Variants in CSMD3 observed in about 807,000 individuals in gnomAD.
CSMD3 encodes CUB and sushi domain-containing protein 3.
In CSMD3, 177 loss-of-function variants were observed where a neutral mutation model predicts 435.2. The observed-to-expected ratio is 0.41, with a 90% CI of 0.36 to 0.46. The LOEUF is 0.46. CSMD3 is among the 20% of genes least tolerant of loss of function. The pLI, the probability that CSMD3 is intolerant of heterozygous loss-of-function variation, is 0.34. For missense variants in CSMD3, 4,265 were observed against 4,504.6 expected (o/e 0.95, Z 1.52); for synonymous variants, 1,656 against 1,520.5 (o/e 1.09, Z -2.07).
At chr8:112,746,032 C>G (rs751155539) in intron 13 of CSMD3, among the ~76,000 whole-genome samples, 4 of 152,120 alleles carry the variant, frequency 2.6e-5, no homozygotes, top group Non-Finnish European at 5.9e-5. Context: ...ACTTTGAACT[C>G]ACCTTTTCAG....
chr8:112,663,136 G>T (rs1023164888), intron 17 of CSMD3, among the ~76,000 whole-genome samples: 27 of 152,156 alleles, frequency 1.8e-4, no homozygotes, highest in Admixed American at 1.4e-3. Flanking sequence ...CCATTACTGG[G>T]TATATACCCA....
At chr8:112,955,836 A>T (rs866882241) in intron 7 of CSMD3, among the ~76,000 whole-genome samples, 29 of 151,852 alleles carry the variant, frequency 1.9e-4, no homozygotes, top group East Asian at 3.9e-4. Flanking sequence ...CTATAAATTT[A>T]AAAAAAAGCA....
chr8:112,462,220 C>T (rs1477713157), intron 32 of CSMD3, among the ~76,000 whole-genome samples: 4 of 152,166 alleles, frequency 2.6e-5, no homozygotes, highest in Non-Finnish European at 4.4e-5. Flanking sequence ...AAATAATCTT[C>T]GGCAGCTTTA....
In CSMD3 at chr8:113,319,606, T is replaced by A. The variant is rs199843518; in HGVS notation, c.179-4813A>T. On this transcript the variant is annotated intron_variant, in intron 1 of 70. Coordinates refer to ENST00000297405, the MANE Select transcript of CSMD3 (RefSeq NM_198123.2). Reference sequence around the variant, plus strand: ...CTTTTGTTTTTGTAGTTTGAGCTTTTTGGAGTGGTATCAAAATTAATTGCC... The same window carrying A: ...CTTTTGTTTTTGTAGTTTGAGCTTTATGGAGTGGTATCAAAATTAATTGCC... 3.9e-5 allele frequency among the ~76,000 whole-genome samples: 6 copies of A among 152,120 alleles called. No homozygotes were observed. In the East Asian group the frequency reaches 1.2e-3, roughly 29 times the overall value.
intron 1 of CSMD3, among the ~76,000 whole-genome samples, chr8:113,361,660 A>G (rs573069963): frequency 6.6e-6 from 1 of 152,224 alleles, no homozygotes; most frequent in African/African-American, 2.4e-5. Context: ...AAAAATAATT[A>G]AAAACAAATA....
At chr8:112,892,537 T>C (rs894903079) in intron 10 of CSMD3, among the ~76,000 whole-genome samples, 3 of 151,592 alleles carry the variant, frequency 2.0e-5, no homozygotes, top group East Asian at 2.0e-4. Flanking sequence ...CAGGTAGTTT[T>C]TTAAAAGAAG....
intron 3 of CSMD3, among the ~76,000 whole-genome samples, chr8:113,269,697 A>C (rs923287194): frequency 6.9e-6 from 1 of 145,256 alleles, no homozygotes; most frequent in South Asian, 2.1e-4. Flanking sequence ...CTGACAAAAA[A>C]AAGAAGAAAT....
intron 5 of CSMD3, among the ~76,000 whole-genome samples, chr8:113,089,861 A>G (rs1459914837): frequency 1.3e-5 from 2 of 152,122 alleles, no homozygotes; most frequent in African/African-American, 2.4e-5. Flanking sequence ...TCTGGAAAAC[A>G]AACAAAGCGA....
At chr8:112,466,328 A>C (rs1034016563) in intron 32 of CSMD3, among the ~76,000 whole-genome samples, 1 of 152,186 alleles carries the variant, frequency 6.6e-6, no homozygotes, top group Non-Finnish European at 1.5e-5. Flanking sequence ...TAAAATATGG[A>C]GAAAATTGGT....
At chr8:112,377,328 A>G (rs1194517559) in intron 38 of CSMD3, among the ~76,000 whole-genome samples, 2 of 152,118 alleles carry the variant, frequency 1.3e-5, no homozygotes, top group African/African-American at 4.8e-5. Context: ...ACATGGACCC[A>G]TAACTAGTGA....
At chr8:112,417,618 T>C (rs1161492374) in intron 32 of CSMD3, among the ~76,000 whole-genome samples, 2 of 152,202 alleles carry the variant, frequency 1.3e-5, no homozygotes, top group African/African-American at 4.8e-5. Context: ...ACTCCAGCTA[T>C]TTTAATCAAG....
At chr8:113,393,693 C>T (rs747327192) in intron 1 of CSMD3, among the ~76,000 whole-genome samples, 2 of 152,052 alleles carry the variant, frequency 1.3e-5, no homozygotes, top group African/African-American at 2.4e-5. Context: ...AACTTGGAAG[C>T]ATGCATACAT....
chr8:113,102,450 A>G (rs2090357443), intron 4 of CSMD3, among the ~76,000 whole-genome samples: 1 of 152,138 alleles, frequency 6.6e-6, no homozygotes, highest in African/African-American at 2.4e-5. Context: ...CGTTTTCATG[A>G]TCCCTGTTCT....
At chr8:112,757,827 G>A (rs898885184) in intron 13 of CSMD3, among the ~76,000 whole-genome samples, 1 of 151,214 alleles carries the variant, frequency 6.6e-6, no homozygotes, top group Non-Finnish European at 1.5e-5. Flanking sequence ...GCTGAGGCAG[G>A]AGGATTGCTT....
chr8:113,211,660 G>GCCT lies in CSMD3; in HGVS notation c.515-37747_515-37745dup, dbSNP rs572181665. Among the ~76,000 whole-genome samples, 216 of 152,256 alleles carry GCCT rather than the reference G, an allele frequency of 1.4e-3. 1 individual carries two copies. The highest frequency in any genetic ancestry group is 2.2e-3 in the Admixed American group (33 of 15,284). ...GCCGAGATCGCACCACTGCACTCCA[G>GCCT]CCTGGATGACAGAGGAAGACTCCGT... is the stretch of plus-strand genomic sequence containing the variant. On this transcript the variant is annotated intron_variant, in intron 3 of 70. Coordinates refer to ENST00000297405, the MANE Select transcript of CSMD3 (RefSeq NM_198123.2).
At chr8:113,324,864 C>T (rs1330106904) in intron 1 of CSMD3, among the ~76,000 whole-genome samples, 3 of 152,192 alleles carry the variant, frequency 2.0e-5, no homozygotes, top group Admixed American at 2.0e-4. Context: ...CTGCCCAAGA[C>T]CATGAGAACC....
chr8:113,337,199 T>C (rs2094082913), intron 1 of CSMD3, among the ~76,000 whole-genome samples: 5 of 152,126 alleles, frequency 3.3e-5, no homozygotes, highest in Admixed American at 3.3e-4. Context: ...AAAATGTTGT[T>C]CTTTAGATGT....
intron 9 of CSMD3, among the ~76,000 whole-genome samples, chr8:112,940,842 T>C (rs763583449): frequency 1.3e-5 from 2 of 151,868 alleles, no homozygotes; most frequent in African/African-American, 2.4e-5. Context: ...ACTAATACGA[T>C]GAATTTGAGG....
At chr8:112,262,279 T>C (rs574853934) in intron 61 of CSMD3, among the ~76,000 whole-genome samples, 1 of 152,272 alleles carries the variant, frequency 6.6e-6, no homozygotes, top group South Asian at 2.1e-4. Flanking sequence ...TATGTATAAA[T>C]GGTTCTGTGT....
Sources: gnomAD v4.1 joint callset for allele counts (sites outside exome capture counted in the v4.1 genomes callset) on GRCh38, gnomAD v4.1.1 for gene constraint, MANE v1.5 for transcripts, NCBI Gene and HGNC (gene_info 2026-07-23, HGNC 2026-07-21) for gene names.